SOX5: variants seen among roughly 807,000 people sequenced by gnomAD.
SOX5 encodes transcription factor SOX-5.
Under a neutral mutation model 92.0 loss-of-function variants are expected in SOX5, and 9 were observed. The ratio of observed to expected loss-of-function variants is 0.10; its 90% CI spans 0.06 to 0.17. The LOEUF (loss-of-function observed/expected upper bound fraction) is 0.17. Ranked by LOEUF, SOX5 falls within the 10% of genes least tolerant of loss-of-function variation. SOX5 has a pLI of 1.00. For missense variants in SOX5, 642 were observed against 944.5 expected, an observed-to-expected ratio of 0.68 and a Z score of 4.20; for synonymous variants, 344 against 336.3, an observed-to-expected ratio of 1.02 and a Z score of -0.25.
At chr12:23,723,129 A>T (rs1039993619) in intron 6 of SOX5, among the ~76,000 whole-genome samples, 1 of 151,996 alleles carries the variant, frequency 6.6e-6, no homozygotes, top group African/African-American at 2.4e-5. Flanking sequence ...TCATGAAAAG[A>T]TTGCCATAAT....
At chr12:23,711,891 A>G (rs905928466) in intron 6 of SOX5, among the ~76,000 whole-genome samples, 1 of 152,128 alleles carries the variant, frequency 6.6e-6, no homozygotes, top group African/African-American at 2.4e-5. Context: ...TTTAACCACC[A>G]TTTACCAAGT....
Position 23,895,937 on chromosome 12 carries a change from CTCT to C in SOX5, c.123_125del (p.Glu43del). 6.2e-7 allele frequency: 1 copy of C among 1,614,130 alleles called. No homozygotes were observed. The highest frequency in any genetic ancestry group is 8.5e-7 in the Non-Finnish European group (1 of 1,179,966). ...GAAAGGCTGGGAGCCCGTCACTCTC[CTCT>C]TCTTCCACTTTCTGTCTGCTTGTCA... On this transcript the variant is annotated inframe_deletion, in exon 2 of 15. Coordinates refer to ENST00000451604, the MANE Select transcript of SOX5 (RefSeq NM_006940.6).
intron 4 of SOX5, among the ~76,000 whole-genome samples, chr12:24,047,527 T>C (rs891530521): frequency 6.6e-6 from 1 of 152,186 alleles, no homozygotes; most frequent in African/African-American, 2.4e-5. Context: ...AAATTCCTAA[T>C]GATATCTTAA....
intron 9 of SOX5, among the ~76,000 whole-genome samples, chr12:23,576,246 G>A (rs1949092445): frequency 1.3e-5 from 2 of 151,816 alleles, no homozygotes; most frequent in Admixed American, 6.6e-5. Flanking sequence ...TTGTACCCTG[G>A]TACCTAGGCA....
At chr12:23,537,074 G>GT (rs965973981) in intron 13 of SOX5, among the ~76,000 whole-genome samples, 11 of 152,024 alleles carry the variant, frequency 7.2e-5, no homozygotes, top group Non-Finnish European at 1.6e-4. Context: ...TGTGGGAGAT[G>GT]TTTTTTACTA....
intron 2 of SOX5, among the ~76,000 whole-genome samples, chr12:24,365,746 TA>T (rs1479100139): frequency 6.6e-6 from 1 of 150,954 alleles, no homozygotes; most frequent in African/African-American, 2.4e-5. Flanking sequence ...TCTATAGCAA[TA>T]AAAGCTATTG....
intron 2 of SOX5, chr12:24,368,390 G>C (rs1956377455): frequency 6.6e-6 from 1 of 152,076 alleles, no homozygotes; most frequent in African/African-American, 2.4e-5. Flanking sequence ...GGTTATATGA[G>C]AAACCATCTC....
chr12:23,922,953 T>G (rs1040717203), intron 1 of SOX5, among the ~76,000 whole-genome samples: 4 of 151,786 alleles, frequency 2.6e-5, no homozygotes, highest in South Asian at 2.1e-4. Flanking sequence ...CTTTTTTTTT[T>G]TTTTGTTTTT....
intron 11 of SOX5, among the ~76,000 whole-genome samples, chr12:23,557,060 G>A (rs1224559793): frequency 6.6e-6 from 1 of 152,136 alleles, no homozygotes; most frequent in East Asian, 1.9e-4. Context: ...ATTGGTCACT[G>A]TCATTTCATG....
chr12:23,666,235 C>T (rs1205931081), intron 6 of SOX5, among the ~76,000 whole-genome samples: 5 of 151,908 alleles, frequency 3.3e-5, no homozygotes, highest in Non-Finnish European at 7.4e-5. Context: ...CCCTGTACAA[C>T]ATTTTTGCCT....
intron 2 of SOX5, among the ~76,000 whole-genome samples, chr12:24,362,483 A>G (rs1467979408): frequency 1.3e-5 from 2 of 152,234 alleles, no homozygotes; most frequent in Admixed American, 1.3e-4. Context: ...AATTGTGTAG[A>G]CATTAATACT....
At chr12:23,699,327 G>C (rs1028036596) in intron 6 of SOX5, among the ~76,000 whole-genome samples, 1 of 152,062 alleles carries the variant, frequency 6.6e-6, no homozygotes, top group Non-Finnish European at 1.5e-5. Context: ...GAACACCTTT[G>C]TCTCATATAT....
chr12:23,678,302 G>A (rs1039837347), intron 6 of SOX5, among the ~76,000 whole-genome samples: 1 of 151,938 alleles, frequency 6.6e-6, no homozygotes. Flanking sequence ...GCAAAGTATG[G>A]CTAATTTTAC....
At chr12:24,056,974 C>CAAAAAAAATAAAAA (rs1958186255) in intron 4 of SOX5, among the ~76,000 whole-genome samples, 1 of 36,904 alleles carries the variant, frequency 2.7e-5, no homozygotes, top group Non-Finnish European at 5.6e-5. Flanking sequence ...GACTCCGTCT[C>CAAAAAAAATAAAAA]AAAAAAAAAA....
At chr12:24,160,639 A>T (rs1162529071) in intron 4 of SOX5, among the ~76,000 whole-genome samples, 1 of 152,028 alleles carries the variant, frequency 6.6e-6, no homozygotes, top group Non-Finnish European at 1.5e-5. Flanking sequence ...AATCATGATT[A>T]CATAGAAAGG....
At chr12:24,255,181 A>T (rs1940931708) in intron 3 of SOX5, among the ~76,000 whole-genome samples, 1 of 152,118 alleles carries the variant, frequency 6.6e-6, no homozygotes, top group Admixed American at 6.5e-5. Flanking sequence ...CCAAATATGA[A>T]ATGTTAATGC....
chr12:23,584,986 A>G (rs1159363396), intron 9 of SOX5, among the ~76,000 whole-genome samples: 1 of 152,148 alleles, frequency 6.6e-6, no homozygotes, highest in Non-Finnish European at 1.5e-5. Context: ...TATACCTTGA[A>G]TAGAAAAAAA....
At chr12:24,325,088 T>C (rs925360724) in intron 2 of SOX5, among the ~76,000 whole-genome samples, 1 of 152,034 alleles carries the variant, frequency 6.6e-6, no homozygotes, top group Non-Finnish European at 1.5e-5. Context: ...CATATAATTG[T>C]GTCACCTTAG....
At chr12:23,620,552 C>T (rs2077049892) in intron 8 of SOX5, among the ~76,000 whole-genome samples, 1 of 151,942 alleles carries the variant, frequency 6.6e-6, no homozygotes, top group South Asian at 2.1e-4. Flanking sequence ...ATATAAAACT[C>T]TATGCTTTGA....
Sources: allele counts gnomAD v4.1 joint callset (sites outside exome capture counted in the v4.1 genomes callset), GRCh38; gene constraint gnomAD v4.1.1; transcripts MANE v1.5; gene names NCBI Gene and HGNC (gene_info 2026-07-23, HGNC 2026-07-21).